The following EPC1 variants were observed in gnomAD, a reference collection of about 807,000 sequenced individuals.
EPC1 encodes the protein enhancer of polycomb 1.
In EPC1, 12 loss-of-function variants were observed where a neutral mutation model predicts 98.4. The ratio of observed to expected loss-of-function variants is 0.12; its 90% CI spans 0.08 to 0.20. The LOEUF is 0.20. Ranked by LOEUF, EPC1 falls within the 10% of genes least tolerant of loss-of-function variation. The probability of loss-of-function intolerance (pLI) is 1.00; values close to 1 mark genes in which losing one functional copy is unlikely to be tolerated. For synonymous variants in EPC1, 357 were observed against 363.9 expected, an observed-to-expected ratio of 0.98 and a Z score of 0.21; for missense variants, 729 against 990.5, an observed-to-expected ratio of 0.74 and a Z score of 3.54.
At chr10:32,357,851 ATTTT>A (rs58968767) in intron 1 of EPC1, among the ~76,000 whole-genome samples, 12 of 124,580 alleles carry the variant, frequency 9.6e-5, no homozygotes, top group African/African-American at 3.3e-4. Context: ...TTCTCAATAA[ATTTT>A]TTTTTTTTTT....
intron 1 of EPC1, among the ~76,000 whole-genome samples, chr10:32,344,419 A>G (rs1412440576): frequency 3.6e-5 from 5 of 140,808 alleles, no homozygotes; most frequent in African/African-American, 1.6e-4. Context: ...AATCTGAAGA[A>G]AAAAAAAAAT....
intron 2 of EPC1, among the ~76,000 whole-genome samples, chr10:32,297,478 G>A (rs1387998194): frequency 1.3e-5 from 2 of 151,798 alleles, no homozygotes; most frequent in Non-Finnish European, 2.9e-5. Flanking sequence ...GTAGAGATGG[G>A]GTTTCACCAT....
intron 1 of EPC1, among the ~76,000 whole-genome samples, chr10:32,308,009 T>G (rs1835974378): frequency 6.6e-6 from 1 of 152,248 alleles, no homozygotes; most frequent in Non-Finnish European, 1.5e-5. Flanking sequence ...GAACATAGCA[T>G]TCAAGCATTC....
At chr10:32,300,840 C>A (rs1480963505) in intron 2 of EPC1, among the ~76,000 whole-genome samples, 1 of 152,110 alleles carries the variant, frequency 6.6e-6, no homozygotes, top group African/African-American at 2.4e-5. Flanking sequence ...ACACCACCAT[C>A]ATTTTTTTTG....
chr10:32,279,894 C>T lies in EPC1; in HGVS notation c.1744+4804G>A, dbSNP rs529092958. Among the ~76,000 whole-genome samples the T allele has an allele frequency of 2.0e-5, 3 of 152,180 alleles. No homozygotes were observed. The South Asian group carries it at 6.2e-4, about 32-fold the overall frequency. On this transcript the variant is annotated intron_variant, in intron 10 of 13. Coordinates refer to ENST00000319778, the MANE Select transcript of EPC1 (RefSeq NM_001272004.3). ...ACAATTTATCCTTAAGTACTAAAACCTAGCCCCCAAAATTCCATATACACA... is the reference window on the plus strand; with the variant it reads ...ACAATTTATCCTTAAGTACTAAAACTTAGCCCCCAAAATTCCATATACACA...
In EPC1 at chr10:32,286,856, AT is replaced by A; in HGVS notation, c.1243-15del. The A allele has an allele frequency of 6.2e-7, 1 of 1,607,368 alleles. No homozygotes were observed. ...GTCTAAGTGAGGCTTAAAAAAAAAAATCCAAATTATTTAATTTTGTCAGTTA... is the reference window on the plus strand; with the variant it reads ...GTCTAAGTGAGGCTTAAAAAAAAAAACCAAATTATTTAATTTTGTCAGTTA... On this transcript the variant is annotated splice_polypyrimidine_tract_variant and intron_variant, in intron 8 of 13. Transcript: ENST00000319778.
In EPC1 at chr10:32,273,298, G is replaced by T; in HGVS notation, c.1745-17C>A. On this transcript the variant is annotated splice_polypyrimidine_tract_variant and intron_variant, in intron 10 of 13. Transcript: ENST00000319778. Reference sequence around the variant, plus strand: ...CTGTAAATGCTGAACATAAAATAAAGAAACACTTTATAAAAATGCCCAGCT... The same window carrying T: ...CTGTAAATGCTGAACATAAAATAAATAAACACTTTATAAAAATGCCCAGCT... 4.3e-6 allele frequency: 7 copies of T among 1,611,770 alleles called. No homozygotes were observed. Among genetic ancestry groups the T allele is most frequent in the African/African-American group, 4.0e-5 (3 of 74,922 alleles).
intron 1 of EPC1, among the ~76,000 whole-genome samples, chr10:32,330,079 T>C (rs1186701835): frequency 6.6e-6 from 1 of 152,228 alleles, no homozygotes; most frequent in Non-Finnish European, 1.5e-5. Context: ...AAGCCTAGTA[T>C]ATAATGCCAC....
intron 1 of EPC1, among the ~76,000 whole-genome samples, chr10:32,306,397 G>C (rs1299784570): frequency 6.6e-6 from 1 of 152,176 alleles, no homozygotes; most frequent in Non-Finnish European, 1.5e-5. Context: ...GAAGGGCAGA[G>C]GTTATCTCCA....
intron 1 of EPC1, among the ~76,000 whole-genome samples, chr10:32,356,687 T>C (rs540806423): frequency 6.6e-6 from 1 of 152,252 alleles, no homozygotes; most frequent in African/African-American, 2.4e-5. Context: ...CCTGCGCACG[T>C]TGATTAAACA....
rs1270176830 is a variant in EPC1 at position 32,305,800 on chromosome 10, C to T, written c.285G>A (p.Lys95=). Residue 95 remains lysine (K), a synonymous_variant, in exon 2 of 14, where the codon AAG becomes AAA. Transcript: ENST00000319778. ...GTATGTGAATGAGCTGCTTTGGCAT[C>T]TTAAATTCCCCAGGATATATAGACT... The part of the protein sequence containing the change: ...YYESIYPGEF[K]MPKQLIHIQP... The T allele has an allele frequency of 2.5e-6, 4 of 1,603,824 alleles. No homozygotes were observed. In the East Asian group the frequency reaches 9.0e-5, roughly 36 times the overall value.
chr10:32,366,135 AAAC>A (rs1325305748), intron 1 of EPC1, among the ~76,000 whole-genome samples: 2 of 152,186 alleles, frequency 1.3e-5, no homozygotes, highest in East Asian at 1.9e-4. Context: ...CTCAGGCTAA[AAAC>A]AACAACAACA....
intron 10 of EPC1, among the ~76,000 whole-genome samples, chr10:32,273,673 A>G (rs999664975): frequency 2.0e-5 from 3 of 152,180 alleles, no homozygotes; most frequent in Non-Finnish European, 2.9e-5. Context: ...TCTGATAATT[A>G]CATTTGGTTT....
chr10:32,313,423 A>G (rs1836361968), intron 1 of EPC1, among the ~76,000 whole-genome samples: 1 of 152,228 alleles, frequency 6.6e-6, no homozygotes, highest in Non-Finnish European at 1.5e-5. Flanking sequence ...GACAGATACT[A>G]ATGAAATCTA....
intron 1 of EPC1, among the ~76,000 whole-genome samples, chr10:32,323,350 T>C (rs1279030876): frequency 6.6e-6 from 1 of 152,198 alleles, no homozygotes; most frequent in Non-Finnish European, 1.5e-5. Context: ...CTCAAAACTT[T>C]CTTGTTCAAA....
intron 10 of EPC1, among the ~76,000 whole-genome samples, chr10:32,279,220 G>A (rs772314341): frequency 2.0e-5 from 3 of 152,076 alleles, no homozygotes; most frequent in South Asian, 2.1e-4. Context: ...GTGGTGGCAC[G>A]CACCTGTAGT....
chr10:32,328,138 G>T (rs1837415115), intron 1 of EPC1, among the ~76,000 whole-genome samples: 1 of 152,144 alleles, frequency 6.6e-6, no homozygotes, highest in South Asian at 2.1e-4. Flanking sequence ...CAAAGGAAGA[G>T]TATCAAATCA....
intron 1 of EPC1, among the ~76,000 whole-genome samples, chr10:32,324,024 C>T (rs2132926555): frequency 6.6e-6 from 1 of 152,218 alleles, no homozygotes; most frequent in Non-Finnish European, 1.5e-5. Flanking sequence ...CAAGCTCCGC[C>T]TCCTAGGTTC....
chr10:32,281,535 A>G (rs1203397933), intron 10 of EPC1, among the ~76,000 whole-genome samples: 1 of 152,224 alleles, frequency 6.6e-6, no homozygotes, highest in African/African-American at 2.4e-5. Flanking sequence ...ACCTATGAAT[A>G]AAGTGGCAAT....
Sources: gnomAD v4.1 joint callset for allele counts (sites outside exome capture counted in the v4.1 genomes callset) on GRCh38, gnomAD v4.1.1 for gene constraint, MANE v1.5 for transcripts, NCBI Gene and HGNC (gene_info 2026-07-23, HGNC 2026-07-21) for gene names.